Variants in NOS1 observed in about 807,000 individuals in gnomAD.
The protein encoded by NOS1 is nitric oxide synthase 1, also known as NOS type I.
A neutral mutation model predicts 164.5 loss-of-function variants in NOS1; 51 were observed. The observed-to-expected ratio is 0.31, with a 90% confidence interval of 0.25 to 0.39. The LOEUF is 0.39. NOS1 is among the 10% of genes least tolerant of loss of function. NOS1 has a pLI of 1.00. For missense variants in NOS1, 1,362 were observed against 1,885.6 expected (o/e 0.72, Z 5.14); for synonymous variants, 719 against 745.8 (o/e 0.96, Z 0.59).
chr12:117,333,684 G>A (rs149786113), intron 1 of NOS1, among the ~76,000 whole-genome samples: 41 of 152,330 alleles, frequency 2.7e-4, no homozygotes, highest in African/African-American at 9.9e-4. Context: ...CTCTGTGTGT[G>A]TGTTTCTGTG....
chr12:117,298,693 T>C (rs984317305), intron 3 of NOS1, among the ~76,000 whole-genome samples: 2 of 152,110 alleles, frequency 1.3e-5, no homozygotes, highest in Admixed American at 6.5e-5. Flanking sequence ...CATGTGAACA[T>C]GAAGACGGCC....
chr12:117,270,549 T>A (rs1353240311), intron 10 of NOS1, among the ~76,000 whole-genome samples: 1 of 152,032 alleles, frequency 6.6e-6, no homozygotes, highest in African/African-American at 2.4e-5. Flanking sequence ...GAGGAAAGTA[T>A]ACACACACAG....
Position 117,330,557 on chromosome 12 carries a change from T to G in NOS1, c.513A>C (p.Ser171=). The change falls in exon 2 of 29, where the codon TCA becomes TCC. Residue 171 remains serine, a synonymous_variant. Coordinates refer to ENST00000317775, the MANE Select transcript of NOS1 (RefSeq NM_000620.5). This position sits in a 1 kb window ranked among gnomAD's most constrained non-coding sequence, Gnocchi z 4.6. ...HAYDDGQEAG[S]LPHANGLAPR... ...GGGCCAGGCCGTTGGCATGGGGGAGTGAGCCAGCCTCCTGCCCATCATCGT... is the reference window on the plus strand; with the variant it reads ...GGGCCAGGCCGTTGGCATGGGGGAGGGAGCCAGCCTCCTGCCCATCATCGT... 1 of 1,613,138 alleles carries G rather than the reference T, an allele frequency of 6.2e-7. No individual in the cohort carries two copies. Among genetic ancestry groups the G allele is most frequent in the Non-Finnish European group, 8.5e-7 (1 of 1,179,858 alleles).
At chr12:117,256,660 T>C (rs769161912) in intron 16 of NOS1, among the ~76,000 whole-genome samples, 5 of 152,154 alleles carry the variant, frequency 3.3e-5, no homozygotes, top group Non-Finnish European at 7.3e-5. Flanking sequence ...CACAGGGATC[T>C]GCTTGCTCCA....
chr12:117,332,721 C>T (rs777856527), intron 1 of NOS1, among the ~76,000 whole-genome samples: 42 of 152,150 alleles, frequency 2.8e-4, no homozygotes, highest in African/African-American at 6.3e-4. Flanking sequence ...AAAAATTAGC[C>T]GGGTGTGGTG....
chr12:117,251,806 A>ACT (rs1871121890), intron 17 of NOS1, among the ~76,000 whole-genome samples: 1 of 151,186 alleles, frequency 6.6e-6, no homozygotes, highest in Admixed American at 6.6e-5. Flanking sequence ...ATCTCGGCTC[A>ACT]CTGTAACCTC....
At chr12:117,245,049 T>C (rs998792197) in intron 18 of NOS1, among the ~76,000 whole-genome samples, 2 of 152,176 alleles carry the variant, frequency 1.3e-5, no homozygotes, top group Non-Finnish European at 2.9e-5. Context: ...TCTCTCTTTG[T>C]CTGGGAGGAA....
chr12:117,222,670 G>C (rs767502450), intron 26 of NOS1, 45 bp downstream of exon 26: 5 of 1,582,492 alleles, frequency 3.2e-6, no homozygotes, highest in Non-Finnish European at 4.3e-6. Context: ...GTCCAAGTGT[G>C]CATGTGTGTT....
intron 1 of NOS1, among the ~76,000 whole-genome samples, chr12:117,359,646 G>A (rs1301323198): frequency 4.6e-5 from 7 of 152,028 alleles, no homozygotes; most frequent in Admixed American, 6.5e-5. Context: ...TGGTGGCTGC[G>A]TGCGCGCTTT....
intron 18 of NOS1, among the ~76,000 whole-genome samples, chr12:117,247,027 T>C (rs1240310501): frequency 6.6e-6 from 1 of 152,186 alleles, no homozygotes; most frequent in Non-Finnish European, 1.5e-5. Context: ...GTTGACCATC[T>C]CTTGTTTTCT....
chr12:117,243,440 G>A lies in NOS1; in HGVS notation c.2824-5C>T, dbSNP rs1429011264. 1 of 1,613,770 alleles carries A rather than the reference G, an allele frequency of 6.2e-7. No individual in the cohort carries two copies. The highest frequency in any genetic ancestry group is 8.5e-7 in the Non-Finnish European group (1 of 1,179,872). ...ACAGAAGACATCACAGGCTGCCTGT[G>A]GTGTACACAAGGCTTTCAGTGACCT... On this transcript the variant is annotated splice_region_variant and splice_polypyrimidine_tract_variant and intron_variant, in intron 18 of 28. Coordinates refer to ENST00000317775, the MANE Select transcript of NOS1 (RefSeq NM_000620.5). The surrounding 1 kb of genome is among the most constrained non-coding windows in gnomAD (Gnocchi z 4.3).
At position 117,289,384 on chromosome 12, in the gene NOS1, T is replaced by A. The variant is rs578152713; in HGVS notation, c.981+914A>T. 3.9e-5 allele frequency among the ~76,000 whole-genome samples: 6 copies of A among 152,240 alleles called. No homozygotes were observed. The East Asian group carries it at 1.2e-3, about 29-fold the overall frequency. Reference sequence around the variant, plus strand: ...GGGTGAATTTCTTGCCCAGGGAATGTTAGGTAATGTCTTGGAGACTGTAAG... The same window carrying A: ...GGGTGAATTTCTTGCCCAGGGAATGATAGGTAATGTCTTGGAGACTGTAAG... On this transcript the variant is annotated intron_variant, in intron 4 of 28. Coordinates refer to ENST00000317775, the MANE Select transcript of NOS1 (RefSeq NM_000620.5).
At chr12:117,231,749 T>G (rs575620545) in intron 22 of NOS1, among the ~76,000 whole-genome samples, 1 of 152,286 alleles carries the variant, frequency 6.6e-6, no homozygotes, top group South Asian at 2.1e-4. Context: ...AGGGAACTGT[T>G]GATTCAAGGG....
chr12:117,345,061 T>C (rs1258154927), intron 1 of NOS1, among the ~76,000 whole-genome samples: 5 of 147,730 alleles, frequency 3.4e-5, no homozygotes, highest in Admixed American at 1.4e-4. Flanking sequence ...TGGCAGTGTC[T>C]CACTCTGTTG....
intron 18 of NOS1, among the ~76,000 whole-genome samples, chr12:117,245,109 A>G (rs537974840): frequency 3.3e-5 from 5 of 152,320 alleles, no homozygotes; most frequent in East Asian, 1.9e-4. Context: ...AAATCTTTAT[A>G]GCCCAGGGGC....
chr12:117,315,139 T>G (rs542638940), intron 2 of NOS1, among the ~76,000 whole-genome samples: 11 of 152,366 alleles, frequency 7.2e-5, no homozygotes, highest in Middle Eastern at 3.4e-3. Context: ...GTTTAAATAA[T>G]GCAGTTGAAG....
intron 24 of NOS1, among the ~76,000 whole-genome samples, chr12:117,225,650 C>T (rs748992128): frequency 7.9e-5 from 12 of 151,588 alleles, no homozygotes; most frequent in Non-Finnish European, 1.3e-4. Context: ...TTTTTTGAGA[C>T]GAAGTCTCAC....
chr12:117,232,198 T>A (rs1566030507), intron 21 of NOS1, 67 bp from the exon 22 acceptor site: 1 of 1,502,492 alleles, frequency 6.7e-7, no homozygotes, highest in African/African-American at 1.4e-5. Flanking sequence ...GGGGTTCAGG[T>A]CTGCTCCTGG....
Position 117,280,380 on chromosome 12 carries a change from T to G in NOS1, c.1524+345A>C, listed in dbSNP as rs9658366. Among the ~76,000 whole-genome samples the G allele has an allele frequency of 1.8e-4, 27 of 152,240 alleles. No homozygotes were observed. The South Asian group carries it at 5.0e-3, about 28-fold the overall frequency. On this transcript the variant is annotated intron_variant, in intron 8 of 28. Coordinates refer to ENST00000317775, the MANE Select transcript of NOS1 (RefSeq NM_000620.5). ...CATTTCTCGGCTCTTCCCTTCCTGG[T>G]GAGAGGCAGGAGATTTGGACTGTAG... is the stretch of plus-strand genomic sequence containing the variant.
Sources: allele counts gnomAD v4.1 joint callset (sites outside exome capture counted in the v4.1 genomes callset), GRCh38; gene constraint gnomAD v4.1.1; non-coding constraint Gnocchi (gnomAD v3.1); transcripts MANE v1.5; gene names NCBI Gene and HGNC (gene_info 2026-07-23, HGNC 2026-07-21).